CNTNAP5: variants seen among roughly 807,000 people sequenced by gnomAD.
CNTNAP5 encodes the protein contactin associated protein family member 5, also known as contactin-associated protein-like 5.
A neutral mutation model predicts 150.2 loss-of-function variants in CNTNAP5; 72 were observed. The ratio of observed to expected loss-of-function variants is 0.48; its 90% CI spans 0.40 to 0.58. CNTNAP5 has a LOEUF of 0.58. CNTNAP5 is among the 20% of genes least tolerant of loss of function. The pLI is 0.00. For synonymous variants in CNTNAP5, 672 were observed against 619.8 expected, an observed-to-expected ratio of 1.08 and a Z score of -1.25; for missense variants, 1,636 against 1,626.2, an observed-to-expected ratio of 1.01 and a Z score of -0.10.
At position 124,681,784 on chromosome 2, in the gene CNTNAP5, G is replaced by A. The variant is rs566101160; in HGVS notation, c.2077+33826G>A. On this transcript the variant is annotated intron_variant, in intron 13 of 23. Coordinates refer to ENST00000682447, the MANE Select transcript of CNTNAP5 (RefSeq NM_001367498.1). ...TCACCATTTTAGCCAGGATGGTCTC[G>A]ATCTCCTGACCTCGTGATCTGCCCG... is the stretch of plus-strand genomic sequence containing the variant. Among the ~76,000 whole-genome samples the A allele has an allele frequency of 1.2e-4, 19 of 152,118 alleles. No individual in the cohort carries two copies. The South Asian group carries it at 2.1e-3, about 17-fold the overall frequency.
intron 3 of CNTNAP5, among the ~76,000 whole-genome samples, chr2:124,332,850 AC>A (rs1479856236): frequency 6.6e-6 from 1 of 152,166 alleles, no homozygotes; most frequent in Non-Finnish European, 1.5e-5. Flanking sequence ...ATGTTGACAG[AC>A]ATCCTATTTT....
In CNTNAP5 at chr2:124,584,409, A is replaced by T. The variant is rs185137867; in HGVS notation, c.1756+21086A>T. Among the ~76,000 whole-genome samples, 106 of 152,306 alleles carry T rather than the reference A, an allele frequency of 7.0e-4. 1 individual carries two copies. The highest frequency in any genetic ancestry group is 6.7e-3 in the Admixed American group (103 of 15,304). On this transcript the variant is annotated intron_variant, in intron 11 of 23. Transcript: ENST00000682447. ...TAGGAAGAATTACAACGTGATTTGT[A>T]TTTAATCTGGAAATGGGTATCTCAT... is the stretch of plus-strand genomic sequence containing the variant.
chr2:124,660,376 G>T (rs1678561441), intron 13 of CNTNAP5, among the ~76,000 whole-genome samples: 1 of 152,170 alleles, frequency 6.6e-6, no homozygotes, highest in Non-Finnish European at 1.5e-5. Context: ...ACTAGTACAG[G>T]CTGGTGAGTT....
At chr2:124,114,507 T>C (rs1276927003) in intron 1 of CNTNAP5, among the ~76,000 whole-genome samples, 2 of 151,992 alleles carry the variant, frequency 1.3e-5, no homozygotes, top group Admixed American at 1.3e-4. Flanking sequence ...TGAATCCTAA[T>C]AATTTATTTA....
chr2:124,419,996 T>C (rs796639972), intron 4 of CNTNAP5, among the ~76,000 whole-genome samples: 473 of 66,838 alleles, frequency 7.1e-3, no homozygotes, highest in Middle Eastern at 0.017. Context: ...TTCTTTTTTT[T>C]TTTTTTTTTT....
At chr2:124,116,522 TC>T (rs1683433913) in intron 1 of CNTNAP5, among the ~76,000 whole-genome samples, 1 of 152,194 alleles carries the variant, frequency 6.6e-6, no homozygotes, top group Non-Finnish European at 1.5e-5. Flanking sequence ...CTTCGTTGTT[TC>T]CTTTCCCTTT....
chr2:124,319,492 G>A (rs758258966), intron 3 of CNTNAP5, among the ~76,000 whole-genome samples: 2 of 152,066 alleles, frequency 1.3e-5, no homozygotes, highest in Non-Finnish European at 2.9e-5. Flanking sequence ...TGTAGACTGG[G>A]GTATATTTGA....
chr2:124,351,827 C>T (rs964842461), intron 3 of CNTNAP5, among the ~76,000 whole-genome samples: 1 of 152,162 alleles, frequency 6.6e-6, no homozygotes. Context: ...TACCATATTA[C>T]TTATAACTTA....
chr2:124,592,415 G>A (rs964825614), intron 11 of CNTNAP5, among the ~76,000 whole-genome samples: 1 of 150,548 alleles, frequency 6.6e-6, no homozygotes, highest in Non-Finnish European at 1.5e-5. Flanking sequence ...AAGGTTAAAT[G>A]GACAAATATT....
In CNTNAP5 at chr2:124,087,708, C is replaced by T. The variant is rs1036551637; in HGVS notation, c.82+61976C>T. On this transcript the variant is annotated intron_variant, in intron 1 of 23. Transcript: ENST00000682447. ...CTGTACTCCAGCCTGGGCGACAGAG[C>T]GAGATTCCATCTCCAAAAACAAAAA... is the stretch of plus-strand genomic sequence containing the variant. Among the ~76,000 whole-genome samples the T allele has an allele frequency of 7.9e-5, 12 of 151,710 alleles. 1 individual carries two copies. The highest frequency in any genetic ancestry group is 2.1e-4 in the South Asian group (1 of 4,830).
chr2:124,260,598 A>G (rs531902097), intron 3 of CNTNAP5, among the ~76,000 whole-genome samples: 1 of 152,230 alleles, frequency 6.6e-6, no homozygotes. Flanking sequence ...GAAGGGGAGA[A>G]AATTTTTGCA....
intron 3 of CNTNAP5, among the ~76,000 whole-genome samples, chr2:124,296,178 G>A (rs1179904707): frequency 6.6e-6 from 1 of 151,746 alleles, no homozygotes; most frequent in Non-Finnish European, 1.5e-5. Flanking sequence ...AATGTGTCAA[G>A]GTAATTAATA....
chr2:124,631,242 C>A (rs1024434035), intron 12 of CNTNAP5, among the ~76,000 whole-genome samples: 1 of 151,724 alleles, frequency 6.6e-6, no homozygotes, highest in Non-Finnish European at 1.5e-5. Flanking sequence ...TCATATGGAA[C>A]CAAAAAAAAA....
intron 3 of CNTNAP5, among the ~76,000 whole-genome samples, chr2:124,292,719 T>C (rs1347109466): frequency 6.6e-6 from 1 of 152,080 alleles, no homozygotes; most frequent in Non-Finnish European, 1.5e-5. Context: ...TTGACTGAAA[T>C]ATGTTAAAAA....
chr2:124,487,452 C>T (rs1347570666), intron 7 of CNTNAP5, among the ~76,000 whole-genome samples: 1 of 152,054 alleles, frequency 6.6e-6, no homozygotes, highest in East Asian at 1.9e-4. Context: ...CTCTGAAACC[C>T]ACCATTTACT....
intron 11 of CNTNAP5, 48 bp downstream of exon 11, chr2:124,563,371 G>A (rs555926803): frequency 9.3e-7 from 1 of 1,073,816 alleles, no homozygotes; most frequent in African/African-American, 1.6e-5. Context: ...AAAACTCCAG[G>A]AACACCATTG....
intron 8 of CNTNAP5, 94 bp downstream of exon 8, chr2:124,504,650 G>C: frequency 8.1e-7 from 1 of 1,239,494 alleles, no homozygotes; most frequent in Non-Finnish European, 1.1e-6. Context: ...CAAATCTCAG[G>C]GATATGGGTT....
rs567363109 is a variant in CNTNAP5, at chr2:124,858,163, C to T, written c.3218-7143C>T. On this transcript the variant is annotated intron_variant, in intron 19 of 23. Transcript: ENST00000682447. ...CTGGCACAAGACTGGGATGCCCTCT[C>T]TCACCACTCCTATTCAACACAGTGT... Among the ~76,000 whole-genome samples, 3 of 152,264 alleles carry T rather than the reference C, an allele frequency of 2.0e-5. No homozygotes were observed. In the East Asian group the frequency reaches 5.8e-4, roughly 29 times the overall value.
At chr2:124,360,298 GT>G (rs1395255001) in intron 3 of CNTNAP5, among the ~76,000 whole-genome samples, 1 of 150,720 alleles carries the variant, frequency 6.6e-6, no homozygotes, top group Non-Finnish European at 1.5e-5. Context: ...GGAGCATTTA[GT>G]CCATTTACAT....
Sources: allele counts gnomAD v4.1 joint callset (sites outside exome capture counted in the v4.1 genomes callset), GRCh38; gene constraint gnomAD v4.1.1; transcripts MANE v1.5; gene names NCBI Gene and HGNC (gene_info 2026-07-23, HGNC 2026-07-21).